PDE8B: variants seen among roughly 807,000 people sequenced by gnomAD.
The protein encoded by PDE8B is phosphodiesterase 8B, also known as high affinity cAMP-specific and IBMX-insensitive 3',5'-cyclic phosphodiesterase 8B.
PDE8B carries 26 observed loss-of-function variants against 101.3 expected under a neutral mutation model. That is an observed-to-expected ratio of 0.26 (90% CI 0.19 to 0.36). The LOEUF (loss-of-function observed/expected upper bound fraction) is 0.36, where lower values mean the gene tolerates loss of function less well. Ranked by LOEUF, PDE8B falls within the 10% of genes least tolerant of loss-of-function variation. The probability of loss-of-function intolerance (pLI) is 1.00; values close to 1 mark genes in which losing one functional copy is unlikely to be tolerated. For missense variants in PDE8B, 810 were observed against 1,163.1 expected (o/e 0.70, Z 4.42); for synonymous variants, 424 against 429.3 (o/e 0.99, Z 0.15).
intron 7 of PDE8B, among the ~76,000 whole-genome samples, chr5:77,345,893 C>T (rs1213935421): frequency 6.6e-5 from 10 of 152,146 alleles, no homozygotes; most frequent in Admixed American, 5.9e-4. Flanking sequence ...CCTGAAATCT[C>T]CCAGTGCACA....
chr5:77,362,359 C>T (rs1426849867), intron 10 of PDE8B, among the ~76,000 whole-genome samples: 1 of 152,188 alleles, frequency 6.6e-6, no homozygotes, highest in African/African-American at 2.4e-5. Flanking sequence ...CCCATCCCTT[C>T]CCAAGCACAT....
chr5:77,412,514 G>A (rs929285125), intron 16 of PDE8B, among the ~76,000 whole-genome samples: 8 of 151,780 alleles, frequency 5.3e-5, no homozygotes, highest in South Asian at 2.1e-4. Context: ...CAAACTTGTC[G>A]AAGCTCTACC....
intron 15 of PDE8B, 93 bp downstream of exon 15, chr5:77,411,814 C>T: frequency 2.1e-6 from 2 of 974,034 alleles, no homozygotes; most frequent in Admixed American, 1.8e-5. Flanking sequence ...GTGTTACTTC[C>T]AGCTAGTCCC....
chr5:77,365,874 ATGATGTGC>A (rs1378250440), intron 10 of PDE8B, among the ~76,000 whole-genome samples: 11 of 152,204 alleles, frequency 7.2e-5, no homozygotes, highest in Non-Finnish European at 1.5e-5. Context: ...GTAGGGGTAG[ATGATGTGC>A]TGGGCAGTCA....
intron 1 of PDE8B, chr5:77,290,197 C>A: frequency 6.5e-7 from 1 of 1,530,420 alleles, no homozygotes; most frequent in Non-Finnish European, 8.9e-7. Context: ...TGGCGCCTGC[C>A]TCGCGCACTG....
chr5:77,376,839 G>T (rs1430166702), intron 10 of PDE8B, among the ~76,000 whole-genome samples: 1 of 152,090 alleles, frequency 6.6e-6, no homozygotes, highest in East Asian at 1.9e-4. Flanking sequence ...GCAAATGAAG[G>T]CCTGGTGTCA....
chr5:77,132,932 C>G, the PDE8B span, among the ~76,000 whole-genome samples: 2 of 152,332 alleles, frequency 1.3e-5, no homozygotes, highest in South Asian at 4.1e-4. Context: ...AACAATTTCA[C>G]TCAGAATTTG....
the PDE8B span, among the ~76,000 whole-genome samples, chr5:77,154,263 T>G: frequency 6.6e-6 from 1 of 152,258 alleles, no homozygotes; most frequent in African/African-American, 2.4e-5. Flanking sequence ...GGATTATCAC[T>G]ATCTGAAATG....
intron 1 of PDE8B, among the ~76,000 whole-genome samples, chr5:77,280,710 A>G (rs1334504962): frequency 2.6e-5 from 4 of 152,198 alleles, no homozygotes; most frequent in African/African-American, 9.6e-5. Flanking sequence ...CCTGACCAAC[A>G]TGGTGAAACC....
At chr5:77,375,464 A>G (rs1182013454) in intron 10 of PDE8B, among the ~76,000 whole-genome samples, 1 of 152,232 alleles carries the variant, frequency 6.6e-6, no homozygotes, top group East Asian at 1.9e-4. Context: ...CATTTTCAGC[A>G]TAATAGTACC....
At chr5:77,131,045 AATGT>A in the PDE8B span, 1 of 152,316 alleles carries the variant, frequency 6.6e-6, no homozygotes, top group Non-Finnish European at 1.5e-5. Context: ...AGTTACCTGC[AATGT>A]CTCTAACCTT....
intron 20 of PDE8B, among the ~76,000 whole-genome samples, chr5:77,423,973 G>T (rs558235220): frequency 1.3e-5 from 2 of 151,878 alleles, no homozygotes; most frequent in Non-Finnish European, 2.9e-5. Flanking sequence ...GGCTGCTTGT[G>T]TGTCGTCTTT....
intron 20 of PDE8B, among the ~76,000 whole-genome samples, chr5:77,424,833 G>GTT (rs557961807): frequency 2.3e-4 from 34 of 146,904 alleles, no homozygotes; most frequent in Admixed American, 5.4e-4. Flanking sequence ...TTTGTTTTTT[G>GTT]TTTTTAATGT....
At chr5:77,197,408 C>T in the PDE8B span, among the ~76,000 whole-genome samples, 1 of 152,074 alleles carries the variant, frequency 6.6e-6, no homozygotes, top group South Asian at 2.1e-4. Flanking sequence ...TGAGCCACCA[C>T]ATCTTGCCCA....
chr5:77,091,567 G>A, the PDE8B span, among the ~76,000 whole-genome samples: 294 of 152,170 alleles, frequency 1.9e-3, no homozygotes, highest in Non-Finnish European at 3.4e-3. Context: ...GCTTGAACCC[G>A]GAGGCGGAGG....
intron 10 of PDE8B, among the ~76,000 whole-genome samples, chr5:77,361,270 A>G (rs1202235560): frequency 6.6e-6 from 1 of 152,174 alleles, no homozygotes; most frequent in Non-Finnish European, 1.5e-5. Flanking sequence ...AAACTCTACA[A>G]ATCAGGACCT....
At chr5:77,263,187 A>T (rs919210491) in intron 1 of PDE8B, among the ~76,000 whole-genome samples, 3 of 152,250 alleles carry the variant, frequency 2.0e-5, no homozygotes, top group Non-Finnish European at 4.4e-5. Flanking sequence ...AGATCAGGGC[A>T]ACTAGAATAA....
intron 1 of PDE8B, among the ~76,000 whole-genome samples, chr5:77,227,728 G>A (rs1752710095): frequency 6.6e-6 from 1 of 152,018 alleles, no homozygotes; most frequent in Non-Finnish European, 1.5e-5. Flanking sequence ...GCAAGGTTGG[G>A]GTCAAATATG....
the PDE8B span, among the ~76,000 whole-genome samples, chr5:77,097,815 A>G: frequency 7.0e-6 from 1 of 143,112 alleles, no homozygotes. Context: ...ATCACAGGTA[A>G]GAGTCTTAAT....
Sources: gnomAD v4.1 joint callset for allele counts (sites outside exome capture counted in the v4.1 genomes callset) on GRCh38, gnomAD v4.1.1 for gene constraint, MANE v1.5 for transcripts, NCBI Gene and HGNC (gene_info 2026-07-23, HGNC 2026-07-21) for gene names.